The following VSTM4 variants were observed in gnomAD, a reference collection of about 807,000 sequenced individuals.
The protein encoded by VSTM4 is V-set and transmembrane domain-containing protein 4.
VSTM4 carries 20 observed loss-of-function variants against 36.4 expected under a neutral mutation model. That is an observed-to-expected ratio of 0.55 (90% CI 0.39 to 0.80). VSTM4 has a LOEUF of 0.80. Among genes scored for constraint, VSTM4 ranks in the 30% least tolerant of loss-of-function variants. The pLI is 0.00. For missense variants in VSTM4, 392 were observed against 404.5 expected, an observed-to-expected ratio of 0.97 and a Z score of 0.26; for synonymous variants, 182 against 173.9, an observed-to-expected ratio of 1.05 and a Z score of -0.37.
intron 4 of VSTM4, among the ~76,000 whole-genome samples, chr10:49,075,630 G>A (rs2131989991): frequency 6.6e-6 from 1 of 152,380 alleles, no homozygotes; most frequent in East Asian, 1.9e-4. Context: ...CCTGGAGCTG[G>A]CTTTGAAGGA....
At position 49,103,771 on chromosome 10, in the gene VSTM4, T is replaced by G. The variant is rs370037347; in HGVS notation, c.457+3823A>C. 2.5e-5 allele frequency: 41 copies of G among 1,614,052 alleles called. No individual in the cohort carries two copies. The African/African-American group carries it at 5.5e-4, about 22-fold the overall frequency. Reference sequence around the variant, plus strand: ...GAACTCTGCAGGAAGGAGGCCATGGTTAAGTCTGCGGTGAAGGGCAAAGAG... The same window carrying G: ...GAACTCTGCAGGAAGGAGGCCATGGGTAAGTCTGCGGTGAAGGGCAAAGAG... On this transcript the variant is annotated intron_variant, in intron 2 of 7. Transcript: ENST00000332853.
chr10:49,082,137 C>G (rs935401047), intron 3 of VSTM4, among the ~76,000 whole-genome samples: 1 of 152,206 alleles, frequency 6.6e-6, no homozygotes, highest in Non-Finnish European at 1.5e-5. Flanking sequence ...CCCTGCCGCA[C>G]TCAGTTCCAG....
At chr10:49,038,842 G>A (rs1843474148) in intron 7 of VSTM4, among the ~76,000 whole-genome samples, 1 of 152,084 alleles carries the variant, frequency 6.6e-6, no homozygotes, top group South Asian at 2.1e-4. Context: ...TGCTGTGCCT[G>A]TGAATGTCAA....
At chr10:49,096,362 G>C (rs1045794498) in intron 2 of VSTM4, among the ~76,000 whole-genome samples, 4 of 152,042 alleles carry the variant, frequency 2.6e-5, no homozygotes, top group Admixed American at 6.5e-5. Flanking sequence ...CATTTGCTTT[G>C]TCCAGTCTCC....
intron 7 of VSTM4, among the ~76,000 whole-genome samples, chr10:49,036,286 G>T (rs1843430021): frequency 6.6e-6 from 1 of 152,168 alleles, no homozygotes; most frequent in South Asian, 2.1e-4. Flanking sequence ...CTGTGCATGT[G>T]TACCTAGGGG....
chr10:49,101,972 C>CGT (rs5784789), intron 2 of VSTM4, among the ~76,000 whole-genome samples: 186 of 144,310 alleles, frequency 1.3e-3, no homozygotes, highest in Middle Eastern at 7.0e-3. Flanking sequence ...TGTGTGTCTG[C>CGT]GTGTGTGTGT....
chr10:49,093,539 T>A (rs1287355126), intron 2 of VSTM4, among the ~76,000 whole-genome samples: 1 of 152,158 alleles, frequency 6.6e-6, no homozygotes, highest in Non-Finnish European at 1.5e-5. Flanking sequence ...CTGCCTGTCT[T>A]GGAAACTGGA....
intron 4 of VSTM4, among the ~76,000 whole-genome samples, chr10:49,076,033 C>T (rs551586954): frequency 1.3e-5 from 2 of 152,284 alleles, no homozygotes; most frequent in African/African-American, 4.8e-5. Flanking sequence ...CTCCCCTCTC[C>T]TTGTCCCTTA....
At chr10:49,064,529 C>T (rs1353632090) in intron 5 of VSTM4, 174 bp downstream of exon 5, 2 of 742,582 alleles carry the variant, frequency 2.7e-6, no homozygotes, top group South Asian at 1.8e-5. Context: ...GAAAACCAGA[C>T]TGTAGACCTT....
chr10:49,102,842 T>C (rs1164149000), intron 2 of VSTM4: 11 of 719,394 alleles, frequency 1.5e-5, no homozygotes, highest in African/African-American at 1.9e-5. Context: ...GTTATCATCA[T>C]CATCCTCAAA....
At chr10:49,112,616 G>A (rs1287176830) in intron 1 of VSTM4, among the ~76,000 whole-genome samples, 1 of 152,268 alleles carries the variant, frequency 6.6e-6, no homozygotes, top group Non-Finnish European at 1.5e-5. Flanking sequence ...ACACTGTCCT[G>A]TGAGTACAGT....
At chr10:49,027,714 T>C (rs1843284950) in intron 7 of VSTM4, among the ~76,000 whole-genome samples, 1 of 152,196 alleles carries the variant, frequency 6.6e-6, no homozygotes, top group Non-Finnish European at 1.5e-5. Context: ...CCTTCTGGGA[T>C]TGGCTTTTTT....
In VSTM4 at chr10:49,018,789, C is replaced by G. The variant is rs1483605236; in HGVS notation, c.*861G>C. 1 of 152,274 alleles carries G rather than the reference C, an allele frequency of 6.6e-6. No individual in the cohort carries two copies. Among genetic ancestry groups the G allele is most frequent in the East Asian group, 1.9e-4 (1 of 5,196 alleles). 9.4% of individuals were successfully genotyped at this position (152,274 alleles called of 1,614,324 possible). ...ACTTCCCACTCTCCTACCCTGAGGG[C>G]ACCTGGCAGCAGACACCTTCAGGGG... On this transcript the variant is annotated 3_prime_UTR_variant, in exon 8 of 8. Coordinates refer to ENST00000332853, the MANE Select transcript of VSTM4 (RefSeq NM_001031746.5).
intron 3 of VSTM4, among the ~76,000 whole-genome samples, chr10:49,081,882 C>A (rs1844285045): frequency 6.6e-6 from 1 of 152,228 alleles, no homozygotes; most frequent in African/African-American, 2.4e-5. Flanking sequence ...CTCAGAAAGA[C>A]CACCTGAGTT....
At chr10:49,114,987 C>G (rs1340467583) in intron 1 of VSTM4, among the ~76,000 whole-genome samples, 1 of 152,170 alleles carries the variant, frequency 6.6e-6, no homozygotes, top group African/African-American at 2.4e-5. Flanking sequence ...GCAGATCCAG[C>G]CGCTCCTGAC....
chr10:49,076,355 C>T (rs1844178072), intron 4 of VSTM4, among the ~76,000 whole-genome samples: 1 of 152,192 alleles, frequency 6.6e-6, no homozygotes, highest in Admixed American at 6.5e-5. Context: ...GACTGGTGCA[C>T]TCCTGCCTCC....
In VSTM4 at chr10:49,102,566, C is replaced by T. The variant is rs1844687632; in HGVS notation, c.457+5028G>A. On this transcript the variant is annotated intron_variant, in intron 2 of 7. Coordinates refer to ENST00000332853, the MANE Select transcript of VSTM4 (RefSeq NM_001031746.5). ...ACAAGATGTTGCCAGTGGGAGAGCA[C>T]TCCATGGGCTGGCATGCCCAAAGAA... The T allele has an allele frequency of 4.1e-6, 4 of 985,356 alleles. No individual in the cohort carries two copies. In the African/African-American group the frequency reaches 7.0e-5, roughly 17 times the overall value. The allele number at this position is 985,356 out of a possible 1,614,324, so 61.0% of individuals were successfully genotyped here.
intron 7 of VSTM4, among the ~76,000 whole-genome samples, chr10:49,022,447 G>A (rs188904535): frequency 7.7e-4 from 117 of 152,146 alleles, no homozygotes; most frequent in African/African-American, 2.6e-3. Context: ...AAAAAGGCAC[G>A]GGAAGTAATA....
chr10:49,087,872 A>G (rs1356003638), intron 2 of VSTM4, among the ~76,000 whole-genome samples: 1 of 148,332 alleles, frequency 6.7e-6, no homozygotes, highest in Non-Finnish European at 1.5e-5. Context: ...AGATAGTTGG[A>G]TATATATGCA....
Sources: gnomAD v4.1 joint callset for allele counts (sites outside exome capture counted in the v4.1 genomes callset) on GRCh38, gnomAD v4.1.1 for gene constraint, MANE v1.5 for transcripts, NCBI Gene and HGNC (gene_info 2026-07-23, HGNC 2026-07-21) for gene names.